The following PTPRJ variants were observed in gnomAD, a reference collection of about 807,000 sequenced individuals.
PTPRJ encodes protein tyrosine phosphatase receptor type J, also known as receptor-type tyrosine-protein phosphatase eta.
Under a neutral mutation model 141.3 loss-of-function variants are expected in PTPRJ, and 129 were observed. The ratio of observed to expected loss-of-function variants is 0.91; its 90% CI spans 0.79 to 1.06. The LOEUF (loss-of-function observed/expected upper bound fraction) is 1.06, where lower values mean the gene tolerates loss of function less well. Ranked by LOEUF, PTPRJ falls within the 50% of genes least tolerant of loss-of-function variation. The pLI is 0.00. For synonymous variants in PTPRJ, 610 were observed against 640.5 expected, an observed-to-expected ratio of 0.95 and a Z score of 0.72; for missense variants, 1,601 against 1,679.7, an observed-to-expected ratio of 0.95 and a Z score of 0.82.
intron 10 of PTPRJ, among the ~76,000 whole-genome samples, chr11:48,138,350 G>T (rs373691770): frequency 6.6e-6 from 1 of 152,158 alleles, no homozygotes; most frequent in Non-Finnish European, 1.5e-5. Context: ...TATAGCAAGA[G>T]AAAAACTGTA....
At position 48,044,595 on chromosome 11, in the gene PTPRJ, G is replaced by T. The variant is rs1205831927; in HGVS notation, c.96+63587G>T. On this transcript the variant is annotated intron_variant, in intron 1 of 24. Transcript: ENST00000418331. ...ACAAGGTAGGCAGGCAGGCTCAGGT[G>T]GTTCTGTATACCCCATTTCATACAT... 2.0e-5 allele frequency among the ~76,000 whole-genome samples: 3 copies of T among 152,198 alleles called. No individual in the cohort carries two copies. The East Asian group carries it at 5.8e-4, about 29-fold the overall frequency.
At chr11:48,153,555 G>T (rs1441033792) in intron 18 of PTPRJ, among the ~76,000 whole-genome samples, 4 of 150,784 alleles carry the variant, frequency 2.7e-5, no homozygotes, top group Admixed American at 6.6e-5. Flanking sequence ...GAGGCATCTG[G>T]TGCAGTGATC....
chr11:48,032,782 A>G (rs1854016371), intron 1 of PTPRJ, among the ~76,000 whole-genome samples: 1 of 152,168 alleles, frequency 6.6e-6, no homozygotes, highest in South Asian at 2.1e-4. Context: ...AAAAACAACA[A>G]AAAACCCCAA....
chr11:48,159,785 A>T, intron 21 of PTPRJ, 145 bp from the exon 22 acceptor site: 1 of 986,564 alleles, frequency 1.0e-6, no homozygotes. Flanking sequence ...AAAATAAAAA[A>T]ATTCGAAGGG....
At chr11:48,164,169 C>T (rs191998756) in intron 23 of PTPRJ, among the ~76,000 whole-genome samples, 3 of 152,282 alleles carry the variant, frequency 2.0e-5, no homozygotes, top group African/African-American at 4.8e-5. Context: ...TGGCATCTGA[C>T]TCAAATGTGA....
intron 24 of PTPRJ, among the ~76,000 whole-genome samples, chr11:48,166,743 T>C (rs552603999): frequency 2.0e-5 from 3 of 152,346 alleles, no homozygotes; most frequent in South Asian, 4.1e-4. Flanking sequence ...GATTCTGATA[T>C]ACCTACCTGA....
intron 24 of PTPRJ, among the ~76,000 whole-genome samples, chr11:48,165,865 C>G (rs1490852308): frequency 6.8e-6 from 1 of 147,906 alleles, no homozygotes; most frequent in Admixed American, 6.7e-5. Context: ...TTTCTCTCCT[C>G]TTTTTTTTTT....
chr11:48,121,456 G>A (rs1856706964), intron 4 of PTPRJ, among the ~76,000 whole-genome samples, 190 bp downstream of exon 4: 1 of 152,194 alleles, frequency 6.6e-6, no homozygotes, highest in East Asian at 1.9e-4. Context: ...GGCCCTATGT[G>A]TTTTGGGAAG....
intron 1 of PTPRJ, among the ~76,000 whole-genome samples, chr11:48,070,258 T>G (rs900292445): frequency 2.0e-4 from 30 of 152,088 alleles, no homozygotes; most frequent in African/African-American, 7.0e-4. Flanking sequence ...CCCAGCATTT[T>G]GGGGAGGCTG....
Position 48,127,799 on chromosome 11 carries a change from C to T in PTPRJ, c.1113C>T (p.Asp371=), listed in dbSNP as rs780863107. 7.5e-5 allele frequency: 121 copies of T among 1,613,998 alleles called. No homozygotes were observed. In the South Asian group the frequency reaches 9.2e-4, roughly 12 times the overall value. ...TCACAGATGCTATTCAGGTTTTTGACGTCACCGCTGTGAACATCAGTGCCA... is the reference window on the plus strand; with the variant it reads ...TCACAGATGCTATTCAGGTTTTTGATGTCACCGCTGTGAACATCAGTGCCA... The part of the protein sequence containing the change: ...EFRTNAIQVF[D]VTAVNISATS... The change falls in exon 7 of 25, where the codon GAC becomes GAT. Residue 371 remains aspartate, a synonymous_variant. Coordinates refer to ENST00000418331, the MANE Select transcript of PTPRJ (RefSeq NM_002843.4).
rs887252782 is a variant in PTPRJ at position 48,019,146 on chromosome 11, C to T, written c.96+38138C>T. 8.6e-5 allele frequency among the ~76,000 whole-genome samples: 13 copies of T among 151,672 alleles called. No individual in the cohort carries two copies. In the East Asian group the frequency reaches 1.4e-3, roughly 16 times the overall value. ...GCCAAGAGTTTAAGTTGCTGCCTCCCGGTCTCTGTGCCCTTTTCCTGCCTG... is the reference window on the plus strand; with the variant it reads ...GCCAAGAGTTTAAGTTGCTGCCTCCTGGTCTCTGTGCCCTTTTCCTGCCTG... On this transcript the variant is annotated intron_variant, in intron 1 of 24. Transcript: ENST00000418331.
chr11:48,042,759 G>GGGGTGTGT (rs1555034413), intron 1 of PTPRJ, among the ~76,000 whole-genome samples: 2 of 146,392 alleles, frequency 1.4e-5, no homozygotes, highest in African/African-American at 5.1e-5. Flanking sequence ...TGTGTGTAGG[G>GGGGTGTGT]GTGTGTGTGT....
intron 1 of PTPRJ, among the ~76,000 whole-genome samples, chr11:48,087,852 C>T (rs1343222445): frequency 2.6e-5 from 4 of 152,192 alleles, no homozygotes; most frequent in East Asian, 3.8e-4. Context: ...CTTCTCCCTG[C>T]CTTCCCCTCA....
At chr11:47,997,610 T>C (rs930029852) in intron 1 of PTPRJ, among the ~76,000 whole-genome samples, 3 of 152,148 alleles carry the variant, frequency 2.0e-5, no homozygotes, top group African/African-American at 7.2e-5. Context: ...CTGATACTTT[T>C]CCTGTCTGGG....
At chr11:48,020,654 C>G (rs1410521733) in intron 1 of PTPRJ, among the ~76,000 whole-genome samples, 4 of 152,168 alleles carry the variant, frequency 2.6e-5, no homozygotes, top group Non-Finnish European at 4.4e-5. Context: ...GTACTGGTCT[C>G]AAAACCCTCT....
chr11:48,099,445 G>A (rs186244613), intron 1 of PTPRJ, among the ~76,000 whole-genome samples: 126 of 152,284 alleles, frequency 8.3e-4, no homozygotes, highest in Middle Eastern at 3.4e-3. Flanking sequence ...GGCTGGTTTC[G>A]CAGTACAAGG....
intron 1 of PTPRJ, among the ~76,000 whole-genome samples, chr11:48,107,251 AG>A (rs1164115085): frequency 2.0e-5 from 3 of 151,862 alleles, no homozygotes; most frequent in East Asian, 1.9e-4. Flanking sequence ...CCTGCTGGCA[AG>A]GAAAAAAAAA....
intron 1 of PTPRJ, among the ~76,000 whole-genome samples, chr11:48,008,794 A>G (rs1273125322): frequency 6.7e-6 from 1 of 150,116 alleles, no homozygotes; most frequent in Non-Finnish European, 1.5e-5. Flanking sequence ...AGAACTCCTG[A>G]TCTCAGGTGA....
chr11:47,996,601 TTAG>T (rs1854343508), intron 1 of PTPRJ, among the ~76,000 whole-genome samples: 1 of 152,332 alleles, frequency 6.6e-6, no homozygotes, highest in Admixed American at 6.5e-5. Context: ...ATCATGGCAC[TTAG>T]TAGGCCTGAG....
Sources: gnomAD v4.1 joint callset for allele counts (sites outside exome capture counted in the v4.1 genomes callset) on GRCh38, gnomAD v4.1.1 for gene constraint, MANE v1.5 for transcripts, NCBI Gene and HGNC (gene_info 2026-07-23, HGNC 2026-07-21) for gene names.